The following BLM variants were observed in gnomAD, a reference collection of about 807,000 sequenced individuals.
BLM encodes the protein BLM RecQ like helicase, also known as recQ-like DNA helicase BLM.
Under a neutral mutation model 135.3 loss-of-function variants are expected in BLM, and 95 were observed. The observed-to-expected ratio is 0.70, with a 90% CI of 0.59 to 0.83. BLM has a LOEUF of 0.83. BLM is among the 40% of genes least tolerant of loss of function. BLM has a pLI of 0.00. For synonymous variants in BLM, 520 were observed against 589.2 expected (o/e 0.88, Z 1.70); for missense variants, 1,518 against 1,663.9 (o/e 0.91, Z 1.53).
rs547986062 is a variant in BLM, at chr15:90,815,713, G to A, written c.*434G>A. ...TTAGTATCCATCATACCAAATACCC[G>A]TGAACCAGTCAGAAACATCCCAGGG... On this transcript the variant is annotated 3_prime_UTR_variant, in exon 22 of 22. Coordinates refer to ENST00000355112, the MANE Select transcript of BLM (RefSeq NM_000057.4). The surrounding 1 kb of genome is among the most constrained non-coding windows in gnomAD (Gnocchi z 4.6). 7 of 200,902 alleles carry A rather than the reference G, an allele frequency of 3.5e-5. No homozygotes were observed. The East Asian group carries it at 4.2e-4, about 12-fold the overall frequency. 12.4% of individuals were successfully genotyped at this position (200,902 alleles called of 1,614,324 possible).
chr15:90,760,398 T>C, intron 6 of BLM, 119 bp downstream of exon 6: 1 of 1,390,798 alleles, frequency 7.2e-7, no homozygotes, highest in East Asian at 2.3e-5. Context: ...AGGATGATCA[T>C]CATGCCACTA....
chr15:90,806,248 C>T lies in BLM; in HGVS notation c.3751+1889C>T, dbSNP rs143901202. Among the ~76,000 whole-genome samples the T allele has an allele frequency of 5.3e-3, 810 of 152,226 alleles. 9 individuals carry two copies. Among genetic ancestry groups the T allele is most frequent in the African/African-American group, 0.019 (781 of 41,530 alleles). On this transcript the variant is annotated intron_variant, in intron 19 of 21. Coordinates refer to ENST00000355112, the MANE Select transcript of BLM (RefSeq NM_000057.4). ...GTAATGGGCTGGGGGCCGTGGCTCA[C>T]GCCTGTAATCCCTGCACTTTGGGAG... is the stretch of plus-strand genomic sequence containing the variant.
At chr15:90,807,099 A>C (rs962757337) in intron 19 of BLM, among the ~76,000 whole-genome samples, 1 of 152,132 alleles carries the variant, frequency 6.6e-6, no homozygotes, top group Non-Finnish European at 1.5e-5. Context: ...GTTTTTCCCT[A>C]TGTCATCACT....
At chr15:90,737,684 A>T (rs1209762433) in intron 1 of BLM, among the ~76,000 whole-genome samples, 1 of 152,346 alleles carries the variant, frequency 6.6e-6, no homozygotes, top group Admixed American at 6.5e-5. Flanking sequence ...CAGTACTAGA[A>T]AGGAAATTTA....
At chr15:90,741,070 G>A (rs1895352065) in intron 1 of BLM, among the ~76,000 whole-genome samples, 1 of 152,090 alleles carries the variant, frequency 6.6e-6, no homozygotes, top group African/African-American at 2.4e-5. Context: ...CAGTGTATGA[G>A]GGTTCTGATT....
At chr15:90,813,675 A>G (rs1897480483) in intron 21 of BLM, among the ~76,000 whole-genome samples, 4 of 152,206 alleles carry the variant, frequency 2.6e-5, no homozygotes, top group Admixed American at 2.0e-4. Context: ...GGCGTGAGCC[A>G]CTGTGCCCAG....
intron 8 of BLM, among the ~76,000 whole-genome samples, 186 bp from the exon 9 acceptor site, chr15:90,765,110 G>A (rs1220157395): frequency 6.6e-6 from 1 of 151,922 alleles, no homozygotes; most frequent in Non-Finnish European, 1.5e-5. Context: ...TTTTTTTAAA[G>A]ATCATTTTTA....
chr15:90,749,903 C>G lies in BLM; in HGVS notation c.635C>G (p.Ser212Cys). The G allele has an allele frequency of 6.2e-7, 1 of 1,612,944 alleles. No homozygotes were observed. The highest frequency in any genetic ancestry group is 2.2e-5 in the East Asian group (1 of 44,862). Residue 212 changes from serine to cysteine, a missense_variant, in exon 3 of 22, where the codon TCC (serine) becomes TGC (cysteine). By Grantham distance (112) the Ser-to-Cys change is moderately radical. Coordinates refer to ENST00000355112, the MANE Select transcript of BLM (RefSeq NM_000057.4). ...NTVKTDLPPP[S>C]SESEQIDLTE... is the part of the protein sequence containing the mutation. ...GTAAAGACTGATTTGCCTCCACCCT[C>G]CTCTGAAAGCGAGCAAATAGATTTG... is the stretch of plus-strand genomic sequence containing the variant.
chr15:90,745,034 C>A (rs1011646758), intron 1 of BLM, among the ~76,000 whole-genome samples: 1 of 151,916 alleles, frequency 6.6e-6, no homozygotes, highest in South Asian at 2.1e-4. Flanking sequence ...CAAAGTGAGA[C>A]CCTGTCTCAA....
At position 90,749,762 on chromosome 15, in the gene BLM, C is replaced by T; in HGVS notation, c.494C>T (p.Thr165Ile). The change falls in exon 3 of 22, where the codon ACT becomes ATT. Residue 165 changes from threonine to isoleucine, a missense_variant. By Grantham distance (89) the Thr-to-Ile change is moderately conservative (BLOSUM62 -1). Coordinates refer to ENST00000355112, the MANE Select transcript of BLM (RefSeq NM_000057.4). ...DDMDDFDTSE[T>I]SKSFVTPPQS... ...ATGGATGACTTTGATACTTCTGAGA[C>T]TTCAAAATCATTTGTTACACCACCC... 6.2e-7 allele frequency: 1 copy of T among 1,613,178 alleles called. No homozygotes were observed. Among genetic ancestry groups the T allele is most frequent in the Non-Finnish European group, 8.5e-7 (1 of 1,179,414 alleles).
At chr15:90,773,021 C>T (rs1464441281) in intron 12 of BLM, among the ~76,000 whole-genome samples, 4 of 139,902 alleles carry the variant, frequency 2.9e-5, no homozygotes, top group African/African-American at 5.5e-5. Flanking sequence ...CACTTGAACC[C>T]GGGAGGCGGA....
chr15:90,729,409 G>A (rs1443838373), intron 1 of BLM, among the ~76,000 whole-genome samples: 2 of 152,226 alleles, frequency 1.3e-5, no homozygotes, highest in African/African-American at 4.8e-5. Context: ...TTGGGCTAAA[G>A]TCAAGGTGTT....
intron 12 of BLM, among the ~76,000 whole-genome samples, chr15:90,776,713 T>C (rs555625070): frequency 6.6e-6 from 1 of 152,124 alleles, no homozygotes; most frequent in Non-Finnish European, 1.5e-5. Context: ...GTTTGTGTTG[T>C]TTTTTTCGTA....
intron 14 of BLM, among the ~76,000 whole-genome samples, chr15:90,785,409 C>T (rs1896721214): frequency 6.6e-6 from 1 of 152,106 alleles, no homozygotes; most frequent in African/African-American, 2.4e-5. Context: ...AACCTCATAC[C>T]CAGTCACTTC....
At chr15:90,765,491 A>G (rs1896100211) in intron 9 of BLM, 77 bp downstream of exon 9, 8 of 1,174,382 alleles carry the variant, frequency 6.8e-6, no homozygotes, top group Admixed American at 1.8e-5. Flanking sequence ...CTTTTTATTA[A>G]ATAGTTCGTG....
chr15:90,747,385 T>C lies in BLM; in HGVS notation c.-4-4T>C. 1 of 1,603,140 alleles carries C rather than the reference T, an allele frequency of 6.2e-7. No individual in the cohort carries two copies. ...CACTGATTTCTTTTTCCCTCACTTT[T>C]TAGGATTATGGCTGCTGTTCCTCAA... On this transcript the variant is annotated splice_polypyrimidine_tract_variant and splice_region_variant and intron_variant, in intron 1 of 21. Coordinates refer to ENST00000355112, the MANE Select transcript of BLM (RefSeq NM_000057.4).
At chr15:90,723,671 A>G (rs1894829716) in intron 1 of BLM, among the ~76,000 whole-genome samples, 1 of 152,112 alleles carries the variant, frequency 6.6e-6, no homozygotes, top group African/African-American at 2.4e-5. Context: ...AATTTTTTTA[A>G]ATTGTTTTTC....
rs140524886 is a variant in BLM, at chr15:90,809,234, G to A, written c.3849G>A (p.Gln1283=). 2,690 of 1,614,214 alleles carry A rather than the reference G, an allele frequency of 1.7e-3. 8 individuals are homozygous for A. The highest frequency in any genetic ancestry group is 2.0e-3 in the Non-Finnish European group (2,371 of 1,180,036). The change falls in exon 20 of 22, where the codon CAG becomes CAA. Residue 1283 remains glutamine (Q), a synonymous_variant. Coordinates refer to ENST00000355112, the MANE Select transcript of BLM (RefSeq NM_000057.4). ...KYGAEVISVL[Q]KYSEWTSPAE... ...GTGCGGAAGTGATTTCAGTATTACA[G>A]AAATACTCTGAATGGACATCGCCAG...
intron 10 of BLM, 26 bp downstream of exon 10, chr15:90,767,049 A>G (rs567148246): frequency 2.2e-6 from 3 of 1,375,626 alleles, no homozygotes; most frequent in African/African-American, 2.9e-5. Flanking sequence ...ATTATTTTAA[A>G]ATATATTAAA....
Sources: gnomAD v4.1 joint callset for allele counts (sites outside exome capture counted in the v4.1 genomes callset) on GRCh38, gnomAD v4.1.1 for gene constraint, Gnocchi (gnomAD v3.1) non-coding constraint, MANE v1.5 for transcripts, NCBI Gene and HGNC (gene_info 2026-07-23, HGNC 2026-07-21) for gene names.